ANAPC2: variants seen among roughly 807,000 people sequenced by gnomAD.
The protein encoded by ANAPC2 is anaphase promoting complex subunit 2.
Under a neutral mutation model 84.3 loss-of-function variants are expected in ANAPC2, and 29 were observed. That is an observed-to-expected ratio of 0.34 (90% CI 0.26 to 0.47). ANAPC2 has a LOEUF of 0.47. Ranked by LOEUF, ANAPC2 falls within the 20% of genes least tolerant of loss-of-function variation. The pLI, the probability that ANAPC2 is intolerant of heterozygous loss-of-function variation, is 1.00. For synonymous variants in ANAPC2, 571 were observed against 479.4 expected (o/e 1.19, Z -2.50); for missense variants, 857 against 1,131.7 (o/e 0.76, Z 3.48).
intron 10 of ANAPC2, among the ~76,000 whole-genome samples, chr9:137,179,899 G>A (rs1834304685): frequency 6.6e-6 from 1 of 152,256 alleles, no homozygotes. Context: ...GGCCACAGGG[G>A]TCCCCCTGAA....
chr9:137,182,737 G>C (rs1408432660), intron 6 of ANAPC2, among the ~76,000 whole-genome samples: 1 of 152,178 alleles, frequency 6.6e-6, no homozygotes, highest in African/African-American at 2.4e-5. Context: ...ACAGCCCCAG[G>C]AGTGTCTGTT....
In ANAPC2 at chr9:137,187,520, C is replaced by T. The variant is rs1402361901; in HGVS notation, c.701G>A (p.Arg234His). 2 of 1,611,636 alleles carry T rather than the reference C, an allele frequency of 1.2e-6. No homozygotes were observed. The highest frequency in any genetic ancestry group is 8.5e-7 in the Non-Finnish European group (1 of 1,178,196). ...CSSDKQQCWC[R>H]QALEQFHQLS... ...CTGATGGAACTGCTCCAGAGCCTGG[C>T]GACACCAGCACTGTTGCTTGTCACT... is the stretch of plus-strand genomic sequence containing the variant. The change falls in exon 2 of 13, where the codon CGC becomes CAC. Residue 234 changes from arginine to histidine, a missense_variant. Physicochemically the swap from Arg to His is conservative, Grantham distance 29. This residue lies in a region of ANAPC2 where 428 missense variants were observed against 513.8 expected (regional missense o/e 0.83). Coordinates refer to ENST00000323927, the MANE Select transcript of ANAPC2 (RefSeq NM_013366.4).
Position 137,180,196 on chromosome 9 carries a change from C to G in ANAPC2, c.1875G>C (p.Lys625Asn). The G allele has an allele frequency of 6.2e-7, 1 of 1,613,716 alleles. No homozygotes were observed. Among genetic ancestry groups the G allele is most frequent in the Non-Finnish European group, 8.5e-7 (1 of 1,179,984 alleles). Reference protein sequence around the residue: ...IRAALEAYCKKYEQLKAMRTL... With the variant: ...IRAALEAYCKNYEQLKAMRTL... ...ATGGAGGTACCTTGAGCTGCTCATACTTCTTGCAGTAAGCCTCCAGGGCTG... is the reference window on the plus strand; with the variant it reads ...ATGGAGGTACCTTGAGCTGCTCATAGTTCTTGCAGTAAGCCTCCAGGGCTG... The change falls in exon 10 of 13, where the codon AAG becomes AAC. Residue 625 changes from lysine (K) to asparagine (N), a missense_variant. Physicochemically the swap from Lys to Asn is moderately conservative, Grantham distance 94 (BLOSUM62 0). This residue lies in a region of ANAPC2 where 425 missense variants were observed against 595.5 expected (regional missense o/e 0.71). Coordinates refer to ENST00000323927, the MANE Select transcript of ANAPC2 (RefSeq NM_013366.4).
At chr9:137,182,632 C>T (rs1834368645) in intron 6 of ANAPC2, among the ~76,000 whole-genome samples, 1 of 152,210 alleles carries the variant, frequency 6.6e-6, no homozygotes, top group South Asian at 2.1e-4. Context: ...CTGGGGGCCA[C>T]TGTGCCTGCC....
intron 10 of ANAPC2, among the ~76,000 whole-genome samples, chr9:137,177,889 C>G (rs1834258749): frequency 6.6e-6 from 1 of 152,184 alleles, no homozygotes; most frequent in African/African-American, 2.4e-5. Flanking sequence ...CACCCACAGG[C>G]CCCGGAGCTC....
intron 10 of ANAPC2, among the ~76,000 whole-genome samples, chr9:137,179,962 C>T (rs1181130901): frequency 4.6e-5 from 7 of 152,262 alleles, no homozygotes; most frequent in Non-Finnish European, 1.0e-4. Flanking sequence ...CTGTGGGCCG[C>T]GCGGACGCTC....
At chr9:137,175,625 C>A (rs1834191574) in intron 11 of ANAPC2, 83 bp downstream of exon 11, 6 of 1,535,012 alleles carry the variant, frequency 3.9e-6, no homozygotes, top group Non-Finnish European at 4.4e-6. Context: ...CTGCCCCAAA[C>A]CACACCCTCA....
chr9:137,188,313 G>A (rs1834524370), intron 1 of ANAPC2, 103 bp downstream of exon 1: 2 of 1,362,982 alleles, frequency 1.5e-6, no homozygotes, highest in African/African-American at 1.5e-5. Flanking sequence ...CAGGACAGAG[G>A]CGGATGATGG....
chr9:137,187,764 C>A lies in ANAPC2; in HGVS notation c.457G>T (p.Val153Phe). ...GTGAQGLREE[V>F]HTMLRGVLFF... ...AAGACTCCGCGCAACATAGTGTGGA[C>A]TTCTTCTCGCAGCCCCTGAGCACCA... is the stretch of plus-strand genomic sequence containing the variant. The change falls in exon 2 of 13, where the codon GTC becomes TTC. Residue 153 changes from valine (V) to phenylalanine (F), a missense_variant. Val to Phe is a conservative substitution (Grantham distance 50, BLOSUM62 -1). Transcript: ENST00000323927. 6.2e-7 allele frequency: 1 copy of A among 1,613,744 alleles called. No homozygotes were observed. Among genetic ancestry groups the A allele is most frequent in the Non-Finnish European group, 8.5e-7 (1 of 1,180,034 alleles).
At chr9:137,181,602 C>G in intron 7 of ANAPC2, 79 bp downstream of exon 7, 1 of 1,394,742 alleles carries the variant, frequency 7.2e-7, no homozygotes. Flanking sequence ...AGCTCTGTGA[C>G]AAGGGATGAG....
At chr9:137,182,267 C>T (rs1834359003) in intron 6 of ANAPC2, among the ~76,000 whole-genome samples, 1 of 152,186 alleles carries the variant, frequency 6.6e-6, no homozygotes, top group Non-Finnish European at 1.5e-5. Context: ...AATCCCAGCA[C>T]TTCAGGAGGC....
Position 137,180,524 on chromosome 9 carries a change from C to G in ANAPC2, c.1614G>C (p.Glu538Asp), listed in dbSNP as rs550142312. 1.2e-6 allele frequency: 2 copies of G among 1,613,028 alleles called. No individual in the cohort carries two copies. The highest frequency in any genetic ancestry group is 2.2e-5 in the South Asian group (2 of 91,086). The change falls in exon 9 of 13, where the codon GAG (glutamate) becomes GAC (aspartate). Residue 538 changes from glutamate (E) to aspartate (D), a missense_variant. Physicochemically the swap from Glu to Asp is conservative, Grantham distance 45. Around this residue, in one of 3 missense-constraint regions of ANAPC2, gnomAD observed 425 missense variants for 595.5 expected, o/e 0.71. Transcript: ENST00000323927. ...LHQFSFSPER[E>D]IRNVELLKLR... is the part of the protein sequence containing the mutation. ...GCTTCAGCAGCTCCACGTTGCGGAT[C>G]TCCCTGGAAAGACGAGTGTCTGGGC... is the stretch of plus-strand genomic sequence containing the variant.
intron 5 of ANAPC2, 77 bp downstream of exon 5, chr9:137,183,595 C>T (rs1834387212): frequency 6.5e-7 from 1 of 1,541,972 alleles, no homozygotes; most frequent in Admixed American, 1.9e-5. Context: ...GCAGACTAGG[C>T]CCCAGGCTCC....
chr9:137,178,748 G>A (rs1460288478), intron 10 of ANAPC2, among the ~76,000 whole-genome samples: 1 of 151,468 alleles, frequency 6.6e-6, no homozygotes, highest in Non-Finnish European at 1.5e-5. Flanking sequence ...GGGACACCTG[G>A]ACTCTTCCAG....
At position 137,180,291 on chromosome 9, in the gene ANAPC2, C is replaced by T; in HGVS notation, c.1780G>A (p.Val594Ile). ...EEQPPFGVYA[V>I]ILSSEFWPPF... is the part of the protein sequence containing the mutation. ...GGCCAGAACTCACTGGACAGGATGA[C>T]AGCGTAGACCCCGAACGGTGGCTGC... is the stretch of plus-strand genomic sequence containing the variant. Residue 594 changes from valine (V) to isoleucine (I), a missense_variant, in exon 10 of 13, where the codon GTC becomes ATC. By Grantham distance (29) the Val-to-Ile change is conservative. Coordinates refer to ENST00000323927, the MANE Select transcript of ANAPC2 (RefSeq NM_013366.4). The T allele has an allele frequency of 1.2e-6, 2 of 1,613,666 alleles. No homozygotes were observed. Among genetic ancestry groups the T allele is most frequent in the Non-Finnish European group, 1.7e-6 (2 of 1,180,032 alleles).
intron 11 of ANAPC2, 76 bp downstream of exon 11, chr9:137,175,632 C>T: frequency 6.5e-7 from 1 of 1,543,280 alleles, no homozygotes; most frequent in Non-Finnish European, 8.8e-7. Context: ...AAACCACACC[C>T]TCACTGGGGA....
Position 137,180,890 on chromosome 9 carries a change from CTGA to C in ANAPC2, c.1505_1507del (p.Ile502del). On this transcript the variant is annotated inframe_deletion, in exon 8 of 13. Transcript: ENST00000323927. ...GCTGCCGTAGATGCTGACCAGCAGGCTGATGATGTCCGATGAACGCCGCTTGGA... is the reference window on the plus strand; with the variant it reads ...GCTGCCGTAGATGCTGACCAGCAGGCTGATGTCCGATGAACGCCGCTTGGA... 1 of 1,613,542 alleles carries C rather than the reference CTGA, an allele frequency of 6.2e-7. No individual in the cohort carries two copies. Among genetic ancestry groups the C allele is most frequent in the South Asian group, 1.1e-5 (1 of 91,086 alleles).
chr9:137,188,227 G>A (rs888263575), intron 1 of ANAPC2, 124 bp from the exon 2 acceptor site: 2 of 1,384,646 alleles, frequency 1.4e-6, no homozygotes, highest in Non-Finnish European at 1.9e-6. Context: ...CTGCCCGGAC[G>A]TTGGGCCGAA....
chr9:137,182,253 C>G (rs1352087433), intron 6 of ANAPC2, among the ~76,000 whole-genome samples: 1 of 152,202 alleles, frequency 6.6e-6, no homozygotes. Flanking sequence ...TGGCTCACGC[C>G]TGTAATCCCA....
Sources: gnomAD v4.1 joint callset for allele counts (sites outside exome capture counted in the v4.1 genomes callset) on GRCh38, gnomAD v4.1.1 for gene constraint, gnomAD v4.1.1 regional missense constraint, MANE v1.5 for transcripts, NCBI Gene and HGNC (gene_info 2026-07-23, HGNC 2026-07-21) for gene names.